BTD: variants seen among roughly 807,000 people sequenced by gnomAD.
The protein encoded by BTD is biotinidase, also known as biocytinase.
A neutral mutation model predicts 17.7 loss-of-function variants in BTD; 13 were observed. The ratio of observed to expected loss-of-function variants is 0.74; its 90% CI spans 0.48 to 1.17. The LOEUF is 1.17. BTD is among the 50% of genes most tolerant of loss of function. The probability of loss-of-function intolerance (pLI) is 0.00; values close to 1 mark genes in which losing one functional copy is unlikely to be tolerated. For synonymous variants in BTD, 240 were observed against 245.2 expected, an observed-to-expected ratio of 0.98 and a Z score of 0.20; for missense variants, 674 against 650.4, an observed-to-expected ratio of 1.04 and a Z score of -0.39.
chr3:15,612,767 C>T (rs2064675515), intron 1 of BTD, among the ~76,000 whole-genome samples: 1 of 151,230 alleles, frequency 6.6e-6, no homozygotes, highest in Non-Finnish European at 1.5e-5. Flanking sequence ...CAGCTTAAAA[C>T]AAGACCCATT....
chr3:15,601,539 G>C (rs779132749), upstream of BTD: 4 of 1,605,470 alleles, frequency 2.5e-6, no homozygotes, highest in Admixed American at 1.7e-5. Flanking sequence ...ACGCGAAATC[G>C]GCAGCACGCC....
rs1047602124 is a variant in BTD, at chr3:15,648,846, A to G, written c.*3358A>G. Among the ~76,000 whole-genome samples, 1 of 121,138 alleles carries G rather than the reference A, an allele frequency of 8.3e-6. No homozygotes were observed. The highest frequency in any genetic ancestry group is 8.3e-5 in the Admixed American group (1 of 12,010). 79.5% of individuals were successfully genotyped at this position (121,138 alleles called of 152,430 possible). Reference sequence around the variant, plus strand: ...TCAGAAGAGGAGAAGACACACACACAGGGAGAAGATGACCATGTGACAACA... The same window carrying G: ...TCAGAAGAGGAGAAGACACACACACGGGGAGAAGATGACCATGTGACAACA... On this transcript the variant is annotated 3_prime_UTR_variant, in exon 4 of 4. Transcript: ENST00000643237.
chr3:15,651,096 C>G lies in BTD; in HGVS notation c.*5608C>G, dbSNP rs1422028529. Reference sequence around the variant, plus strand: ...GCTGTGATATTCTGATCAGCCAGCACTGAGTCACATGGCCACTATTAGGGT... The same window carrying G: ...GCTGTGATATTCTGATCAGCCAGCAGTGAGTCACATGGCCACTATTAGGGT... On this transcript the variant is annotated 3_prime_UTR_variant, in exon 4 of 4. Transcript: ENST00000643237. Among the ~76,000 whole-genome samples the G allele has an allele frequency of 6.6e-6, 1 of 152,120 alleles. No homozygotes were observed. Among genetic ancestry groups the G allele is most frequent in the Non-Finnish European group, 1.5e-5 (1 of 68,016 alleles).
intron 1 of BTD, among the ~76,000 whole-genome samples, chr3:15,609,200 C>T (rs2064544995): frequency 6.6e-6 from 1 of 152,140 alleles, no homozygotes; most frequent in Non-Finnish European, 1.5e-5. Context: ...TGACATCTTT[C>T]AGACACATGA....
intron 2 of BTD, among the ~76,000 whole-genome samples, chr3:15,637,881 G>A (rs986743556): frequency 1.3e-5 from 2 of 152,122 alleles, no homozygotes; most frequent in African/African-American, 2.4e-5. Context: ...CACTTAACAC[G>A]GTTTTGTTGA....
At position 15,695,262 on chromosome 3, in the gene BTD, C is replaced by G. The variant is rs542668157; in HGVS notation, c.400-14798C>G. ...AATATTTAGCTTGGGAAGTATTCAT[C>G]TATATTAAGTCTCAACTTATATAGA... On this transcript the variant is annotated intron_variant, in intron 3 of 3. Transcript: ENST00000672141. 2.3e-5 allele frequency: 32 copies of G among 1,372,686 alleles called. No individual in the cohort carries two copies. In the East Asian group the frequency reaches 2.5e-4, roughly 11 times the overall value. The allele number at this position is 1,372,686 out of a possible 1,614,324, so 85.0% of individuals were successfully genotyped here. A position where few individuals can be genotyped will look rare whatever the true frequency, so the allele number is the denominator to read the frequency against.
chr3:15,653,682 T>C lies in BTD; in HGVS notation c.*8194T>C, dbSNP rs967855889. Reference sequence around the variant, plus strand: ...AACTCTAATGTTCTAAAGTGATTCTTTGATAATTAAAGAAAGATGTAATTA... The same window carrying C: ...AACTCTAATGTTCTAAAGTGATTCTCTGATAATTAAAGAAAGATGTAATTA... On this transcript the variant is annotated 3_prime_UTR_variant, in exon 4 of 4. Coordinates refer to ENST00000643237, the MANE Select transcript of BTD (RefSeq NM_001370658.1). Among the ~76,000 whole-genome samples the C allele has an allele frequency of 1.3e-5, 2 of 150,496 alleles. No homozygotes were observed. The highest frequency in any genetic ancestry group is 5.0e-5 in the African/African-American group (2 of 39,788).
chr3:15,629,820 A>G (rs1009694487), intron 1 of BTD, among the ~76,000 whole-genome samples: 20 of 152,334 alleles, frequency 1.3e-4, no homozygotes, highest in African/African-American at 4.6e-4. Context: ...CCTGGCTCCC[A>G]GTCTCATTAT....
intron 3 of BTD, among the ~76,000 whole-genome samples, chr3:15,698,785 GA>G (rs1236596865): frequency 6.6e-6 from 1 of 152,144 alleles, no homozygotes; most frequent in Non-Finnish European, 1.5e-5. Flanking sequence ...TGGACAGGAA[GA>G]ATCAATATTG....
Position 15,689,816 on chromosome 3 carries a change from C to A in BTD, c.400-20244C>A, listed in dbSNP as rs946161478. The A allele has an allele frequency of 7.2e-6, 4 of 554,030 alleles. No individual in the cohort carries two copies. In the African/African-American group the frequency reaches 7.6e-5, roughly 10 times the overall value. 34.3% of individuals were successfully genotyped at this position (554,030 alleles called of 1,614,324 possible). On this transcript the variant is annotated intron_variant, in intron 3 of 3. Coordinates refer to the BTD transcript ENST00000672141. ...TAAGTTCCCTGAACACTGGGATACT[C>A]CTAATGTTTATGAATGACGGAGGCT...
intron 3 of BTD, 81 bp from the exon 4 acceptor site, chr3:15,644,235 C>A: frequency 7.0e-7 from 1 of 1,438,508 alleles, no homozygotes; most frequent in Non-Finnish European, 9.6e-7. Flanking sequence ...CTCCTGACCT[C>A]ATGATCCACC....
chr3:15,638,507 G>A (rs938459963), intron 2 of BTD, among the ~76,000 whole-genome samples: 1 of 152,194 alleles, frequency 6.6e-6, no homozygotes, highest in African/African-American at 2.4e-5. Flanking sequence ...ACTAAGGGTT[G>A]AAATCAAAGA....
In BTD at chr3:15,644,591, C is replaced by G. The variant is rs767518580; in HGVS notation, c.675C>G (p.Cys225Trp). 1 of 1,614,156 alleles carries G rather than the reference C, an allele frequency of 6.2e-7. No homozygotes were observed. Among genetic ancestry groups the G allele is most frequent in the Non-Finnish European group, 8.5e-7 (1 of 1,180,026 alleles). ...PFAGRFGIFT[C>W]FDILFFDPAI... ...CTGGCAGGTTTGGCATCTTCACATG[C>G]TTTGATATATTGTTCTTTGACCCTG... The change falls in exon 4 of 4, where the codon TGC (cysteine) becomes TGG (tryptophan). Residue 225 changes from cysteine (C) to tryptophan (W), a missense_variant. Transcript: ENST00000643237.
chr3:15,618,633 C>T (rs972420145), intron 1 of BTD, among the ~76,000 whole-genome samples: 1 of 152,244 alleles, frequency 6.6e-6, no homozygotes, highest in African/African-American at 2.4e-5. Context: ...TCACGCCATT[C>T]TCCTGCCTCA....
chr3:15,650,862 C>T lies in BTD; in HGVS notation c.*5374C>T, dbSNP rs932770303. On this transcript the variant is annotated 3_prime_UTR_variant, in exon 4 of 4. Coordinates refer to ENST00000643237, the MANE Select transcript of BTD (RefSeq NM_001370658.1). ...TCGGCTCACTGCAAGCTCTGCCTCC[C>T]GAGTTCAAGCGATTCTCCTGCCTCA... Among the ~76,000 whole-genome samples the T allele has an allele frequency of 3.9e-5, 6 of 152,160 alleles. No homozygotes were observed. Among genetic ancestry groups the T allele is most frequent in the Non-Finnish European group, 7.3e-5 (5 of 68,028 alleles).
Position 15,672,146 on chromosome 3 carries a change from A to ATT in BTD, c.399+30105_399+30106dup, listed in dbSNP as rs869087310. On this transcript the variant is annotated intron_variant, in intron 3 of 3. Transcript: ENST00000672141. ...CTATATTGGCCTTGATAAAAAAAGGATTTTTTTTTTTTTTTTTGAGACAGG... is the reference window on the plus strand; with the variant it reads ...CTATATTGGCCTTGATAAAAAAAGGATTTTTTTTTTTTTTTTTTTGAGACAGG... Among the ~76,000 whole-genome samples, 150 of 136,570 alleles carry ATT rather than the reference A, an allele frequency of 1.1e-3. 1 individual carries two copies. In the East Asian group the frequency reaches 0.025, roughly 22 times the overall value. The allele number at this position is 136,570 out of a possible 152,430, so 89.6% of individuals were successfully genotyped here. A position where few individuals can be genotyped will look rare whatever the true frequency, so the allele number is the denominator to read the frequency against.
intron 3 of BTD, chr3:15,676,767 T>C (rs1221275076): frequency 4.8e-6 from 2 of 420,876 alleles, no homozygotes; most frequent in East Asian, 8.2e-5. Context: ...GTCAATGTTA[T>C]AATAAAATTT....
chr3:15,713,463 A>G, downstream of BTD: 1 of 1,239,652 alleles, frequency 8.1e-7, no homozygotes, highest in Non-Finnish European at 1.2e-6. Context: ...ATGTCTAGAA[A>G]ACTGCAGTTC....
At chr3:15,657,744 G>A (rs1440270316), downstream of BTD, among the ~76,000 whole-genome samples, 5 of 151,868 alleles carry the variant, frequency 3.3e-5, no homozygotes, top group African/African-American at 7.3e-5. Context: ...TGGACTGTTC[G>A]AGGGCACCTT....
Sources: allele counts gnomAD v4.1 joint callset (sites outside exome capture counted in the v4.1 genomes callset), GRCh38; gene constraint gnomAD v4.1.1; transcripts MANE v1.5; gene names NCBI Gene and HGNC (gene_info 2026-07-23, HGNC 2026-07-21).